Variants in IRF8 observed in about 807,000 individuals in gnomAD.
IRF8 encodes interferon consensus sequence binding protein 1.
IRF8 carries 14 observed loss-of-function variants against 48.7 expected under a neutral mutation model. The observed-to-expected ratio is 0.29, with a 90% CI of 0.19 to 0.45. The LOEUF (loss-of-function observed/expected upper bound fraction) is 0.45. IRF8 is among the 20% of genes least tolerant of loss of function. IRF8 has a pLI of 1.00. For missense variants in IRF8, 493 were observed against 580.7 expected (o/e 0.85, Z 1.55); for synonymous variants, 278 against 227.3 (o/e 1.22, Z -2.01).
chr16:85,902,586 G>C (rs917886840), intron 1 of IRF8: 8 of 259,984 alleles, frequency 3.1e-5, no homozygotes, highest in Middle Eastern at 1.4e-3. Flanking sequence ...CTGGGCATCT[G>C]GTAGCCCAGT....
Position 85,921,695 on chromosome 16 carries a change from A to T in IRF8, c.*413A>T. 1 of 254,520 alleles carries T rather than the reference A, an allele frequency of 3.9e-6. No homozygotes were observed. The allele number at this position is 254,520 out of a possible 1,614,324, so 15.8% of individuals were successfully genotyped here. On this transcript the variant is annotated 3_prime_UTR_variant, in exon 9 of 9. Coordinates refer to ENST00000268638, the MANE Select transcript of IRF8 (RefSeq NM_002163.4). ...TGAAAACAAGGTTGTTTTTGTCTTT[A>T]TCGTTTGTTAGAGTTATAGATTTAT...
At position 85,903,193 on chromosome 16, in the gene IRF8, A is replaced by G. The variant is rs1904882473; in HGVS notation, c.174+4A>G. ...AGTGGATGCCTCCATTTTTAAGGTA[A>G]AGAGCCCAGCTCCCTTCCCCACTGT... On this transcript the variant is annotated splice_donor_region_variant and intron_variant, in intron 2 of 8. Transcript: ENST00000268638. 5 of 1,612,892 alleles carry G rather than the reference A, an allele frequency of 3.1e-6. No individual in the cohort carries two copies. Among genetic ancestry groups the G allele is most frequent in the Non-Finnish European group, 3.4e-6 (4 of 1,179,398 alleles).
chr16:85,915,543 C>T (rs1200558193), intron 6 of IRF8, among the ~76,000 whole-genome samples: 1 of 152,236 alleles, frequency 6.6e-6, no homozygotes, highest in Non-Finnish European at 1.5e-5. Flanking sequence ...TGTTTTCACT[C>T]CGGCTTCACA....
chr16:85,899,989 T>C (rs1904778191), intron 1 of IRF8, among the ~76,000 whole-genome samples: 1 of 152,214 alleles, frequency 6.6e-6, no homozygotes, highest in Non-Finnish European at 1.5e-5. Flanking sequence ...CCACTTTCTT[T>C]TTTTAAACCA....
At chr16:85,911,937 C>G (rs966223315) in intron 4 of IRF8, among the ~76,000 whole-genome samples, 5 of 152,218 alleles carry the variant, frequency 3.3e-5, no homozygotes, top group African/African-American at 1.2e-4. Context: ...AAGTTCCTTC[C>G]AGCTCCAAAC....
At chr16:85,912,683 G>C (rs1377641799) in intron 4 of IRF8, among the ~76,000 whole-genome samples, 2 of 152,228 alleles carry the variant, frequency 1.3e-5, no homozygotes, top group African/African-American at 4.8e-5. Context: ...TTCATAATTG[G>C]ATTTATCAGC....
In IRF8 at chr16:85,903,357, G is replaced by A. The variant is rs1415436497; in HGVS notation, c.174+168G>A. On this transcript the variant is annotated intron_variant, in intron 2 of 8. Coordinates refer to ENST00000268638, the MANE Select transcript of IRF8 (RefSeq NM_002163.4). ...GAATGTGTCTCAGACATGTACATGAGCTGATTTCACATCTTTTGAATTACG... is the reference window on the plus strand; with the variant it reads ...GAATGTGTCTCAGACATGTACATGAACTGATTTCACATCTTTTGAATTACG... 7.6e-6 allele frequency: 5 copies of A among 658,772 alleles called. No individual in the cohort carries two copies. The South Asian group carries it at 9.3e-5, about 12-fold the overall frequency. 40.8% of individuals were successfully genotyped at this position (658,772 alleles called of 1,614,324 possible).
chr16:85,916,877 G>C (rs987800359), intron 6 of IRF8, among the ~76,000 whole-genome samples: 3 of 152,134 alleles, frequency 2.0e-5, no homozygotes, highest in Admixed American at 6.5e-5. Flanking sequence ...AGGGAAGAGC[G>C]AGACCAGTGC....
intron 6 of IRF8, 89 bp downstream of exon 6, chr16:85,914,609 T>C (rs966804977): frequency 9.6e-6 from 14 of 1,454,246 alleles, no homozygotes; most frequent in Non-Finnish European, 1.3e-5. Context: ...GTTTCGAGGA[T>C]GAGCAGGACC....
intron 5 of IRF8, chr16:85,913,462 A>G (rs1905206713): frequency 1.7e-6 from 1 of 584,906 alleles, no homozygotes; most frequent in South Asian, 1.9e-5. Flanking sequence ...GGAGGGCACA[A>G]GCTGCTTGTT....
chr16:85,920,538 G>T (rs1905518710), intron 8 of IRF8, among the ~76,000 whole-genome samples: 1 of 152,140 alleles, frequency 6.6e-6, no homozygotes, highest in Non-Finnish European at 1.5e-5. Flanking sequence ...TCGCCCGGCA[G>T]TCTGGGCAGC....
chr16:85,916,259 C>T (rs956213107), intron 6 of IRF8, among the ~76,000 whole-genome samples: 2 of 152,226 alleles, frequency 1.3e-5, no homozygotes, highest in Non-Finnish European at 2.9e-5. Flanking sequence ...AGTGGGGAAG[C>T]GGCTTGCCCC....
At chr16:85,908,513 G>A (rs1035059296) in intron 2 of IRF8, among the ~76,000 whole-genome samples, 1 of 152,172 alleles carries the variant, frequency 6.6e-6, no homozygotes, top group Non-Finnish European at 1.5e-5. Context: ...AAGTAACAGG[G>A]CGATGGATGA....
intron 6 of IRF8, among the ~76,000 whole-genome samples, chr16:85,917,347 T>A (rs1304065605): frequency 2.6e-5 from 4 of 152,364 alleles, no homozygotes; most frequent in African/African-American, 9.6e-5. Flanking sequence ...TGCATTTACA[T>A]GTTATCTGCA....
chr16:85,902,174 G>A (rs761322677), intron 1 of IRF8, among the ~76,000 whole-genome samples: 4 of 152,018 alleles, frequency 2.6e-5, no homozygotes, highest in Admixed American at 2.0e-4. Flanking sequence ...TGCCCTGTTC[G>A]GTAGCTGCAG....
chr16:85,918,774 A>G lies in IRF8; in HGVS notation c.959A>G (p.Gln320Arg), dbSNP rs764598769. Residue 320 changes from glutamine to arginine, a missense_variant, in exon 7 of 9, where the codon CAG becomes CGG. Transcript: ENST00000268638. ...AAGCTGGAGCGTGATGAGGTGGTCC[A>G]GGTCTTCGACACCAGCCAGTTCTTC... Reference protein sequence around the residue: ...PNKLERDEVVQVFDTSQFFRE... With the variant: ...PNKLERDEVVRVFDTSQFFRE... 2 of 1,610,840 alleles carry G rather than the reference A, an allele frequency of 1.2e-6. No individual in the cohort carries two copies. Among genetic ancestry groups the G allele is most frequent in the Admixed American group, 1.7e-5 (1 of 60,028 alleles).
rs1276902693 is a variant in IRF8, at chr16:85,914,272, C to T, written c.554-201C>T. 6.3e-6 allele frequency: 4 copies of T among 636,020 alleles called. No homozygotes were observed. The East Asian group carries it at 8.5e-5, about 14-fold the overall frequency. 39.4% of individuals were successfully genotyped at this position (636,020 alleles called of 1,614,324 possible). ...GAGGAAGTCCCCCCGACTTGCCACT[C>T]TGGTTTTCTGCATTTGTGAAACAAT... On this transcript the variant is annotated intron_variant, in intron 5 of 8. Transcript: ENST00000268638.
At chr16:85,905,112 A>G (rs1904956608) in intron 2 of IRF8, among the ~76,000 whole-genome samples, 1 of 152,116 alleles carries the variant, frequency 6.6e-6, no homozygotes, top group Non-Finnish European at 1.5e-5. Context: ...ACATTGCCAA[A>G]TATCTCCTGG....
intron 4 of IRF8, among the ~76,000 whole-genome samples, chr16:85,912,426 T>C (rs1448796345): frequency 6.6e-6 from 1 of 152,222 alleles, no homozygotes; most frequent in Non-Finnish European, 1.5e-5. Flanking sequence ...ATGGAATCCT[T>C]AAGAGTAGCT....
Sources: gnomAD v4.1 joint callset for allele counts (sites outside exome capture counted in the v4.1 genomes callset) on GRCh38, gnomAD v4.1.1 for gene constraint, MANE v1.5 for transcripts, NCBI Gene and HGNC (gene_info 2026-07-23, HGNC 2026-07-21) for gene names.